ROBO2: variants seen among roughly 807,000 people sequenced by gnomAD.
ROBO2 encodes the protein roundabout guidance receptor 2.
In ROBO2, 53 loss-of-function variants were observed where a neutral mutation model predicts 160.8. That is an observed-to-expected ratio of 0.33 (90% confidence interval 0.26 to 0.41). The LOEUF (loss-of-function observed/expected upper bound fraction) is 0.41. Among genes scored for constraint, ROBO2 ranks in the 10% least tolerant of loss-of-function variants. The pLI, the probability that ROBO2 is intolerant of heterozygous loss-of-function variation, is 1.00. For missense variants in ROBO2, 1,577 were observed against 1,722.4 expected, an observed-to-expected ratio of 0.92 and a Z score of 1.49; for synonymous variants, 664 against 611.7, an observed-to-expected ratio of 1.09 and a Z score of -1.26.
At chr3:76,401,463 A>G (rs1319835293) in intron 2 of ROBO2, among the ~76,000 whole-genome samples, 2 of 151,556 alleles carry the variant, frequency 1.3e-5, no homozygotes. Context: ...TGAATAATCA[A>G]TTGTAACATG....
intron 1 of ROBO2, among the ~76,000 whole-genome samples, chr3:77,070,033 G>T (rs895790405): frequency 6.6e-6 from 1 of 152,108 alleles, no homozygotes; most frequent in Non-Finnish European, 1.5e-5. Context: ...GGAGAATTTG[G>T]ATACGGAGAC....
intron 2 of ROBO2, among the ~76,000 whole-genome samples, chr3:76,216,213 A>G (rs1703514133): frequency 6.6e-6 from 1 of 152,230 alleles, no homozygotes; most frequent in Non-Finnish European, 1.5e-5. Flanking sequence ...AACATGCCAA[A>G]TTGTAAAGAT....
In ROBO2 at chr3:77,643,708, T is replaced by C. The variant is rs149386551; in HGVS notation, c.3935-996T>C. On this transcript the variant is annotated intron_variant, in intron 24 of 25. Transcript: ENST00000461745. ...CTTTGAAAAAATGTCTTTTCACTTA[T>C]TCATTTGGACTTAATGTGTTGTAGA... Among the ~76,000 whole-genome samples, 29 of 152,322 alleles carry C rather than the reference T, an allele frequency of 1.9e-4. 1 individual carries two copies. In the East Asian group the frequency reaches 5.4e-3, roughly 28 times the overall value.
At chr3:76,799,774 G>T (rs537695003) in intron 2 of ROBO2, among the ~76,000 whole-genome samples, 1 of 152,124 alleles carries the variant, frequency 6.6e-6, no homozygotes, top group Non-Finnish European at 1.5e-5. Context: ...AATAAATATT[G>T]TTAAAATGTT....
chr3:77,230,573 C>T (rs1344975582), intron 2 of ROBO2, among the ~76,000 whole-genome samples: 1 of 152,158 alleles, frequency 6.6e-6, no homozygotes. Flanking sequence ...CAAATGGAAC[C>T]ATTGTTAGGG....
At chr3:77,254,524 C>T (rs1016152354) in intron 2 of ROBO2, among the ~76,000 whole-genome samples, 6 of 151,522 alleles carry the variant, frequency 4.0e-5, no homozygotes, top group Non-Finnish European at 7.4e-5. Context: ...AACTGAAGTA[C>T]AAAATATTCT....
chr3:75,974,192 G>A (rs535825982), intron 2 of ROBO2, among the ~76,000 whole-genome samples: 18 of 151,664 alleles, frequency 1.2e-4, no homozygotes, highest in Non-Finnish European at 1.9e-4. Flanking sequence ...AATGTAGAGC[G>A]TGAAAGAAGC....
chr3:76,399,132 A>G (rs1332282299), intron 2 of ROBO2, among the ~76,000 whole-genome samples: 3 of 151,804 alleles, frequency 2.0e-5, no homozygotes. Context: ...ATACAGAGAG[A>G]TGAAAAAGAA....
chr3:76,256,929 G>A (rs1305116631), intron 2 of ROBO2, among the ~76,000 whole-genome samples: 1 of 151,956 alleles, frequency 6.6e-6, no homozygotes, highest in African/African-American at 2.4e-5. Context: ...AAGAGAGAGA[G>A]TGGGGCGGGG....
intron 2 of ROBO2, among the ~76,000 whole-genome samples, chr3:77,335,373 C>T (rs924606187): frequency 1.3e-5 from 2 of 152,154 alleles, no homozygotes; most frequent in Admixed American, 1.3e-4. Flanking sequence ...CATCACCGCA[C>T]TCCAGCCTGG....
intron 4 of ROBO2, among the ~76,000 whole-genome samples, chr3:77,488,294 G>A (rs981861597): frequency 1.3e-5 from 2 of 152,124 alleles, no homozygotes; most frequent in African/African-American, 4.8e-5. Context: ...AATGTTAATT[G>A]CATTGGCAAA....
chr3:76,279,429 G>C (rs944473235), intron 2 of ROBO2, among the ~76,000 whole-genome samples: 14 of 151,704 alleles, frequency 9.2e-5, no homozygotes, highest in African/African-American at 2.9e-4. Context: ...TCTCCAGTTT[G>C]TCTTTGGCAT....
At chr3:76,530,826 C>T (rs1344755617) in intron 2 of ROBO2, among the ~76,000 whole-genome samples, 3 of 152,066 alleles carry the variant, frequency 2.0e-5, no homozygotes, top group African/African-American at 4.8e-5. Flanking sequence ...CAATAAAGAC[C>T]GTAACAAGGC....
In ROBO2 at chr3:76,580,284, A is replaced by G. The variant is rs1007774915; in HGVS notation, c.110-517730A>G. The stretch of plus-strand genomic sequence containing the variant: ...TGCTAGAGCCTGGTTGCTCTTTCTT[A>G]GCTTCTCTCCCCCAACTGCTAACCC... On this transcript the variant is annotated intron_variant, in intron 2 of 26. Coordinates refer to the ROBO2 transcript ENST00000487694. 1.2e-4 allele frequency among the ~76,000 whole-genome samples: 13 copies of G among 111,462 alleles called. No homozygotes were observed. In the South Asian group the frequency reaches 3.1e-3, roughly 27 times the overall value. The allele number at this position is 111,462 out of a possible 152,430, so 73.1% of individuals were successfully genotyped here.
chr3:76,572,318 A>G (rs2085006090), intron 2 of ROBO2, among the ~76,000 whole-genome samples: 1 of 152,016 alleles, frequency 6.6e-6, no homozygotes, highest in Admixed American at 6.6e-5. Flanking sequence ...TAACCACACC[A>G]TCATCATCAT....
intron 2 of ROBO2, among the ~76,000 whole-genome samples, chr3:76,796,379 T>A (rs2063693171): frequency 7.8e-6 from 1 of 128,754 alleles, no homozygotes; most frequent in Non-Finnish European, 1.7e-5. Context: ...AAGCAAGAAA[T>A]TAAAACATAC....
At chr3:76,319,223 C>T (rs1223677800) in intron 2 of ROBO2, among the ~76,000 whole-genome samples, 1 of 151,952 alleles carries the variant, frequency 6.6e-6, no homozygotes, top group Non-Finnish European at 1.5e-5. Context: ...CCCAGACTTA[C>T]AAAAATAAAA....
chr3:76,412,322 TATC>T (rs1176214378), intron 2 of ROBO2, among the ~76,000 whole-genome samples: 1 of 152,156 alleles, frequency 6.6e-6, no homozygotes, highest in African/African-American at 2.4e-5. Context: ...AGCCAAACCA[TATC>T]ATTCTGCCCC....
At chr3:76,889,048 C>G (rs1026187151) in intron 2 of ROBO2, among the ~76,000 whole-genome samples, 1 of 152,156 alleles carries the variant, frequency 6.6e-6, no homozygotes, top group South Asian at 2.1e-4. Context: ...CACAGTGGCT[C>G]CTGTGTTGGA....
Sources: allele counts gnomAD v4.1 joint callset (sites outside exome capture counted in the v4.1 genomes callset), GRCh38; gene constraint gnomAD v4.1.1; transcripts MANE v1.5; gene names NCBI Gene and HGNC (gene_info 2026-07-23, HGNC 2026-07-21).